DNAH8: variants seen among roughly 807,000 people sequenced by gnomAD.
DNAH8 encodes dynein axonemal heavy chain 8.
DNAH8 carries 382 observed loss-of-function variants against 562.1 expected under a neutral mutation model. That is an observed-to-expected ratio of 0.68 (90% CI 0.63 to 0.74). DNAH8 has a LOEUF of 0.74. Among genes scored for constraint, DNAH8 ranks in the 30% least tolerant of loss-of-function variants. The probability of loss-of-function intolerance (pLI) is 0.00; values close to 1 mark genes in which losing one functional copy is unlikely to be tolerated. For synonymous variants in DNAH8, 1,881 were observed against 1,919.4 expected (o/e 0.98, Z 0.52); for missense variants, 5,203 against 5,620.4 (o/e 0.93, Z 2.37).
At chr6:38,872,489 A>G (rs1362355169) in intron 49 of DNAH8, 47 bp from the exon 50 acceptor site, 1 of 1,588,632 alleles carries the variant, frequency 6.3e-7, no homozygotes, top group African/African-American at 1.3e-5. Context: ...GAATGTCAGC[A>G]AGAGACTCAT....
chr6:38,918,683 A>G (rs1781482694), intron 70 of DNAH8, among the ~76,000 whole-genome samples: 1 of 152,170 alleles, frequency 6.6e-6, no homozygotes, highest in African/African-American at 2.4e-5. Flanking sequence ...TTTGAGGAGG[A>G]AAATGCTGGG....
chr6:38,847,318 CTT>C (rs530034112), intron 36 of DNAH8, among the ~76,000 whole-genome samples: 4 of 151,394 alleles, frequency 2.6e-5, no homozygotes, highest in Non-Finnish European at 4.4e-5. Context: ...AAGGATGACT[CTT>C]TTTTTTCTGT....
chr6:38,885,720 G>A (rs1778866617), intron 56 of DNAH8, among the ~76,000 whole-genome samples: 1 of 152,098 alleles, frequency 6.6e-6, no homozygotes, highest in African/African-American at 2.4e-5. Flanking sequence ...CTTCCCCTAG[G>A]TATCGAACTG....
intron 70 of DNAH8, among the ~76,000 whole-genome samples, chr6:38,919,135 T>G (rs1781514765): frequency 6.6e-6 from 1 of 152,160 alleles, no homozygotes; most frequent in African/African-American, 2.4e-5. Flanking sequence ...GAACTATTCT[T>G]TGTTGATAAA....
chr6:39,002,644 A>G lies in DNAH8; in HGVS notation c.13215-6170A>G, dbSNP rs556007602. ...GTCTTTTGGGATATTCCAAATCCCC[A>G]ACATCTGAATAGAGGTTGCTCACAG... On this transcript the variant is annotated intron_variant, in intron 88 of 92. Coordinates refer to ENST00000327475, the MANE Select transcript of DNAH8 (RefSeq NM_001206927.2). 2.6e-5 allele frequency among the ~76,000 whole-genome samples: 4 copies of G among 152,338 alleles called. No homozygotes were observed. In the South Asian group the frequency reaches 6.2e-4, roughly 24 times the overall value.
chr6:38,755,918 G>T (rs980976189), intron 9 of DNAH8, 54 bp from the exon 10 acceptor site: 3 of 993,950 alleles, frequency 3.0e-6, no homozygotes, highest in Non-Finnish European at 4.8e-6. Context: ...TAGAATATTG[G>T]TTATTAAAAC....
intron 32 of DNAH8, 75 bp from the exon 33 acceptor site, chr6:38,837,867 C>T (rs1774426317): frequency 5.6e-6 from 6 of 1,073,734 alleles, no homozygotes; most frequent in Non-Finnish European, 6.9e-6. Flanking sequence ...AGCTTTTATC[C>T]CAATGAAAAT....
intron 91 of DNAH8, among the ~76,000 whole-genome samples, chr6:39,025,081 TG>T (rs1767182111): frequency 6.6e-6 from 1 of 152,230 alleles, no homozygotes; most frequent in Non-Finnish European, 1.5e-5. Context: ...ACTCTGACCT[TG>T]AAAAATCACT....
intron 85 of DNAH8, among the ~76,000 whole-genome samples, chr6:38,978,815 A>G (rs1052619028): frequency 6.6e-6 from 1 of 152,222 alleles, no homozygotes; most frequent in Non-Finnish European, 1.5e-5. Context: ...CACATTTTCC[A>G]TATTTCTCTA....
chr6:38,824,268 C>A (rs920098480), intron 28 of DNAH8, among the ~76,000 whole-genome samples: 1 of 152,296 alleles, frequency 6.6e-6, no homozygotes. Context: ...GTCTGGGCAG[C>A]ATGGAGTTGA....
At chr6:38,986,319 C>T (rs1369352802) in intron 87 of DNAH8, among the ~76,000 whole-genome samples, 1 of 152,018 alleles carries the variant, frequency 6.6e-6, no homozygotes. Flanking sequence ...GTCTTACAAA[C>T]AGTGTTGAGT....
Position 38,915,392 on chromosome 6 carries a change from G to T in DNAH8, c.10140+15G>T, listed in dbSNP as rs1457580799. ...CAGCCCTGAATGTGAGCAGTGCATTGTTACCCCTTCCAACACAAGTCCTAG... is the reference window on the plus strand; with the variant it reads ...CAGCCCTGAATGTGAGCAGTGCATTTTTACCCCTTCCAACACAAGTCCTAG... On this transcript the variant is annotated intron_variant, in intron 68 of 92. Transcript: ENST00000327475. 17 of 1,533,868 alleles carry T rather than the reference G, an allele frequency of 1.1e-5. No individual in the cohort carries two copies. Among genetic ancestry groups the T allele is most frequent in the Non-Finnish European group, 1.5e-5 (17 of 1,147,776 alleles).
intron 37 of DNAH8, 123 bp downstream of exon 37, chr6:38,848,924 G>T: frequency 5.9e-6 from 5 of 840,424 alleles, no homozygotes; most frequent in Non-Finnish European, 9.4e-6. Context: ...GGCAAACTAT[G>T]GCCCACTTGC....
At chr6:38,945,400 GA>G (rs777489720) in intron 79 of DNAH8, 66 bp from the exon 80 acceptor site, 140 of 1,522,630 alleles carry the variant, frequency 9.2e-5, no homozygotes, top group Non-Finnish European at 1.2e-4. Flanking sequence ...TTTATTATTT[GA>G]AAAGTACATT....
chr6:39,029,991 G>A (rs1009142009), intron 92 of DNAH8, 114 bp from the exon 93 acceptor site: 3 of 793,972 alleles, frequency 3.8e-6, no homozygotes, highest in African/African-American at 1.7e-5. Flanking sequence ...TCTCCCTTTG[G>A]TAGTGTTTTA....
intron 89 of DNAH8, among the ~76,000 whole-genome samples, chr6:39,010,778 T>C (rs1766140879): frequency 7.1e-6 from 1 of 140,680 alleles, no homozygotes; most frequent in African/African-American, 2.7e-5. Context: ...TATATATATA[T>C]ATACACACAC....
At chr6:38,883,127 C>G in intron 54 of DNAH8, 75 bp downstream of exon 54, 1 of 1,411,638 alleles carries the variant, frequency 7.1e-7, no homozygotes, top group Admixed American at 2.5e-5. Context: ...ATATTTTCTT[C>G]CAGCACTTTT....
chr6:38,886,715 T>C (rs1019650858), intron 56 of DNAH8, 76 bp from the exon 57 acceptor site: 16 of 1,127,406 alleles, frequency 1.4e-5, no homozygotes, highest in Non-Finnish European at 2.0e-5. Flanking sequence ...TCTAATCTCA[T>C]TTGTACTATT....
intron 7 of DNAH8, among the ~76,000 whole-genome samples, chr6:38,738,546 A>G (rs1318873613): frequency 6.6e-6 from 1 of 152,244 alleles, no homozygotes; most frequent in African/African-American, 2.4e-5. Flanking sequence ...ATCGGATATT[A>G]CATAATTGCC....
Sources: allele counts gnomAD v4.1 joint callset (sites outside exome capture counted in the v4.1 genomes callset), GRCh38; gene constraint gnomAD v4.1.1; transcripts MANE v1.5; gene names NCBI Gene and HGNC (gene_info 2026-07-23, HGNC 2026-07-21).